The following CLSTN2 variants were observed in gnomAD, a reference collection of about 807,000 sequenced individuals.
The protein encoded by CLSTN2 is calsyntenin-2.
A neutral mutation model predicts 101.2 loss-of-function variants in CLSTN2; 48 were observed. The observed-to-expected ratio is 0.47, with a 90% CI of 0.38 to 0.60. CLSTN2 has a LOEUF of 0.60. Among genes scored for constraint, CLSTN2 ranks in the 20% least tolerant of loss-of-function variants. The pLI is 0.00. For synonymous variants in CLSTN2, 481 were observed against 463.6 expected, an observed-to-expected ratio of 1.04 and a Z score of -0.48; for missense variants, 1,160 against 1,238.2, an observed-to-expected ratio of 0.94 and a Z score of 0.95.
At chr3:140,329,539 C>A (rs546445821) in intron 2 of CLSTN2, among the ~76,000 whole-genome samples, 3 of 152,192 alleles carry the variant, frequency 2.0e-5, no homozygotes, top group Non-Finnish European at 4.4e-5. Context: ...CAAACTCTAA[C>A]CCTCTAGTGA....
At chr3:139,952,361 A>G (rs1935309087) in intron 1 of CLSTN2, among the ~76,000 whole-genome samples, 1 of 152,212 alleles carries the variant, frequency 6.6e-6, no homozygotes, top group Non-Finnish European at 1.5e-5. Context: ...CAGCTTGTGC[A>G]ATAAAAAGAA....
intron 1 of CLSTN2, among the ~76,000 whole-genome samples, chr3:140,020,286 C>T (rs2007281067): frequency 6.6e-6 from 1 of 152,102 alleles, no homozygotes; most frequent in African/African-American, 2.4e-5. Flanking sequence ...TGTGAGAAGA[C>T]CCTATGCTCA....
chr3:140,161,137 T>TGGCAA (rs2010040491), intron 1 of CLSTN2, among the ~76,000 whole-genome samples: 1 of 152,152 alleles, frequency 6.6e-6, no homozygotes, highest in Admixed American at 6.6e-5. Context: ...CTCCTCCAGC[T>TGGCAA]GGCAAGTACT....
Position 139,955,130 on chromosome 3 carries a change from A to G in CLSTN2, c.109+19647A>G, listed in dbSNP as rs1935370219. 1.4e-5 allele frequency among the ~76,000 whole-genome samples: 2 copies of G among 141,636 alleles called. 1 individual carries two copies. 92.9% of individuals were successfully genotyped at this position (141,636 alleles called of 152,430 possible). On this transcript the variant is annotated intron_variant, in intron 1 of 16. Coordinates refer to ENST00000458420, the MANE Select transcript of CLSTN2 (RefSeq NM_022131.3). ...AATATTGCTATATATATATATATAT[A>G]TATATATATGGCAATTCCAGTCACT...
chr3:140,244,993 G>A (rs970195020), intron 2 of CLSTN2, among the ~76,000 whole-genome samples: 3 of 152,218 alleles, frequency 2.0e-5, no homozygotes, highest in African/African-American at 4.8e-5. Flanking sequence ...TGTGGGAAGT[G>A]GAGGTGTGCA....
chr3:140,532,601 C>A, intron 9 of CLSTN2, 115 bp downstream of exon 9: 2 of 785,034 alleles, frequency 2.5e-6, no homozygotes, highest in Non-Finnish European at 3.7e-6. Context: ...AATTACTACC[C>A]CTTACAAAAA....
chr3:140,287,156 G>A (rs2086902637), intron 2 of CLSTN2, among the ~76,000 whole-genome samples: 1 of 152,052 alleles, frequency 6.6e-6, no homozygotes, highest in Non-Finnish European at 1.5e-5. Context: ...AGGGATGCCT[G>A]AATAACTTGA....
At chr3:140,488,627 T>C (rs1934283078) in intron 8 of CLSTN2, among the ~76,000 whole-genome samples, 1 of 147,604 alleles carries the variant, frequency 6.8e-6, no homozygotes, top group South Asian at 2.1e-4. Flanking sequence ...GTGGAATGCA[T>C]TTAATACGTG....
chr3:140,398,970 G>T (rs1051643286), intron 2 of CLSTN2, among the ~76,000 whole-genome samples: 1 of 152,186 alleles, frequency 6.6e-6, no homozygotes, highest in Non-Finnish European at 1.5e-5. Flanking sequence ...GCACAGCAGG[G>T]GCTCATCTTC....
intron 2 of CLSTN2, among the ~76,000 whole-genome samples, chr3:140,308,873 C>CT (rs1440284304): frequency 2.0e-5 from 3 of 152,192 alleles, no homozygotes; most frequent in Non-Finnish European, 4.4e-5. Flanking sequence ...AAGCGCAGCT[C>CT]TAATGGAAAT....
chr3:140,476,654 CTTT>C (rs564731249), intron 8 of CLSTN2, among the ~76,000 whole-genome samples: 7 of 124,618 alleles, frequency 5.6e-5, no homozygotes, highest in East Asian at 4.8e-4. Context: ...GTTTTAGCAT[CTTT>C]TTTTTTTTTT....
At chr3:140,359,538 G>T (rs1329616829) in intron 2 of CLSTN2, among the ~76,000 whole-genome samples, 7 of 152,334 alleles carry the variant, frequency 4.6e-5, no homozygotes, top group African/African-American at 1.7e-4. Flanking sequence ...ATCTATGGTT[G>T]TAATTGTTTA....
chr3:140,106,928 G>T (rs147611058), intron 1 of CLSTN2, among the ~76,000 whole-genome samples: 5 of 152,252 alleles, frequency 3.3e-5, no homozygotes, highest in African/African-American at 1.2e-4. Context: ...GTTAAGCAGC[G>T]GGGGGATATC....
chr3:140,135,826 T>A (rs763773591), intron 1 of CLSTN2, among the ~76,000 whole-genome samples: 7 of 152,230 alleles, frequency 4.6e-5, no homozygotes, highest in Non-Finnish European at 8.8e-5. Flanking sequence ...ATTTTAGGAA[T>A]CTGGCTTAAA....
Position 140,066,973 on chromosome 3 carries a change from A to G in CLSTN2, c.110-108978A>G, listed in dbSNP as rs979209498. On this transcript the variant is annotated intron_variant, in intron 1 of 16. Transcript: ENST00000458420. Reference sequence around the variant, plus strand: ...TATTTTAATCAGAGCAAGAGATGACATAAGTGGATTTCATCAATCTCAACG... The same window carrying G: ...TATTTTAATCAGAGCAAGAGATGACGTAAGTGGATTTCATCAATCTCAACG... Among the ~76,000 whole-genome samples the G allele has an allele frequency of 5.3e-5, 8 of 152,266 alleles. 1 individual carries two copies. The highest frequency in any genetic ancestry group is 3.3e-4 in the Admixed American group (5 of 15,282).
At chr3:140,459,124 C>G (rs769586638) in intron 6 of CLSTN2, among the ~76,000 whole-genome samples, 2 of 152,168 alleles carry the variant, frequency 1.3e-5, no homozygotes, top group African/African-American at 4.8e-5. Flanking sequence ...ATGGTTAGTG[C>G]TCAGTAGATG....
chr3:140,000,499 T>G (rs2006806446), intron 1 of CLSTN2, among the ~76,000 whole-genome samples: 1 of 152,204 alleles, frequency 6.6e-6, no homozygotes, highest in Admixed American at 6.5e-5. Context: ...ATTGGAATTA[T>G]CAGTTCATTT....
At chr3:140,043,438 G>A (rs1432099765) in intron 1 of CLSTN2, among the ~76,000 whole-genome samples, 2 of 152,132 alleles carry the variant, frequency 1.3e-5, no homozygotes, top group Admixed American at 6.5e-5. Context: ...TTTGCCAGAT[G>A]GGTAGATTGT....
intron 2 of CLSTN2, among the ~76,000 whole-genome samples, chr3:140,392,411 G>A (rs1484431574): frequency 1.3e-5 from 2 of 151,816 alleles, no homozygotes; most frequent in East Asian, 3.9e-4. Context: ...AGGACTCTAG[G>A]TTTTTATCAG....
Sources: gnomAD v4.1 joint callset for allele counts (sites outside exome capture counted in the v4.1 genomes callset) on GRCh38, gnomAD v4.1.1 for gene constraint, MANE v1.5 for transcripts, NCBI Gene and HGNC (gene_info 2026-07-23, HGNC 2026-07-21) for gene names.